CITED2: variants seen among roughly 807,000 people sequenced by gnomAD.
CITED2 encodes the protein cbp/p300-interacting transactivator 2.
CITED2 carries 2 observed loss-of-function variants against 11.8 expected under a neutral mutation model. That is an observed-to-expected ratio of 0.17 (90% CI 0.07 to 0.54). The LOEUF (loss-of-function observed/expected upper bound fraction) is 0.54. Ranked by LOEUF, CITED2 falls within the 20% of genes least tolerant of loss-of-function variation. CITED2 has a pLI of 0.94. For synonymous variants in CITED2, 210 were observed against 153.0 expected, an observed-to-expected ratio of 1.37 and a Z score of -2.75; for missense variants, 437 against 390.2, an observed-to-expected ratio of 1.12 and a Z score of -1.01.
In CITED2 at chr6:139,373,685, A is replaced by G; in HGVS notation, c.260T>C (p.Leu87Pro). 1 of 1,611,254 alleles carries G rather than the reference A, an allele frequency of 6.2e-7. No homozygotes were observed. Among genetic ancestry groups the G allele is most frequent in the Non-Finnish European group, 8.5e-7 (1 of 1,179,654 alleles). The change falls in exon 2 of 2, where the codon CTG (leucine) becomes CCG (proline). Residue 87 changes from leucine (L) to proline (P), a missense_variant. Leu to Pro is a moderately conservative substitution (Grantham distance 98). Transcript: ENST00000367651. ...TVNGGHPPSA[L>P]APAARFNNSQ... ...GTTGTTAAACCTGGCCGCGGGGGCC[A>G]GCGCGCTCGGGGGGTGCCCTCCGTT... is the stretch of plus-strand genomic sequence containing the variant.
Position 139,372,868 on chromosome 6 carries a change from A to G in CITED2, c.*264T>C, listed in dbSNP as rs1778277106. 1 of 517,202 alleles carries G rather than the reference A, an allele frequency of 1.9e-6. No homozygotes were observed. The allele number at this position is 517,202 out of a possible 1,614,324, so 32.0% of individuals were successfully genotyped here. Reference sequence around the variant, plus strand: ...GGAAAGGAGTAAAAACAAACAACGAAAAAGACCAAGTTAGCTAGATATTTC... The same window carrying G: ...GGAAAGGAGTAAAAACAAACAACGAGAAAGACCAAGTTAGCTAGATATTTC... On this transcript the variant is annotated 3_prime_UTR_variant, in exon 2 of 2. Transcript: ENST00000367651.
Position 139,374,404 on chromosome 6 carries a change from C to T in CITED2, c.-9+9G>A, listed in dbSNP as rs998393458. ...AAGAGCCCCAGCCAGCTTCGCCCGTCGCGCTTACCTTCCGTTTTTGCGATT... is the reference window on the plus strand; with the variant it reads ...AAGAGCCCCAGCCAGCTTCGCCCGTTGCGCTTACCTTCCGTTTTTGCGATT... On this transcript the variant is annotated intron_variant, in intron 1 of 1. Coordinates refer to ENST00000367651, the MANE Select transcript of CITED2 (RefSeq NM_006079.5). 2 of 444,634 alleles carry T rather than the reference C, an allele frequency of 4.5e-6. No individual in the cohort carries two copies. The highest frequency in any genetic ancestry group is 7.9e-6 in the Non-Finnish European group (2 of 252,654). 27.5% of individuals were successfully genotyped at this position (444,634 alleles called of 1,614,324 possible). A position where few individuals can be genotyped will look rare whatever the true frequency, so the allele number is the denominator to read the frequency against.
rs905753574 is a variant in CITED2, at chr6:139,372,356, C to T, written c.*776G>A. ...TTGTACAAAAATACTGTCAAAATTT[C>T]CTAAAAAGCTTTCAACACAGTAGTA... On this transcript the variant is annotated 3_prime_UTR_variant, in exon 2 of 2. Transcript: ENST00000367651. The T allele has an allele frequency of 6.6e-6, 1 of 152,568 alleles. No individual in the cohort carries two copies. The highest frequency in any genetic ancestry group is 1.9e-4 in the East Asian group (1 of 5,204). 9.5% of individuals were successfully genotyped at this position (152,568 alleles called of 1,614,324 possible).
chr6:139,374,195 C>T, intron 1 of CITED2: 4 of 1,439,194 alleles, frequency 2.8e-6, no homozygotes, highest in South Asian at 2.9e-5. Context: ...CGGGGGGACC[C>T]GAGCCCACAC....
In CITED2 at chr6:139,372,858, C is replaced by CA. The variant is rs1486098982; in HGVS notation, c.*273dup. 1 of 492,498 alleles carries CA rather than the reference C, an allele frequency of 2.0e-6. No individual in the cohort carries two copies. The highest frequency in any genetic ancestry group is 3.7e-6 in the Non-Finnish European group (1 of 270,746). 30.5% of individuals were successfully genotyped at this position (492,498 alleles called of 1,614,324 possible). A position where few individuals can be genotyped will look rare whatever the true frequency, so the allele number is the denominator to read the frequency against. On this transcript the variant is annotated 3_prime_UTR_variant, in exon 2 of 2. Transcript: ENST00000367651. ...AGAAAGTGAGGGAAAGGAGTAAAAA[C>CA]AAACAACGAAAAAGACCAAGTTAGC...
At position 139,371,987 on chromosome 6, in the gene CITED2, T is replaced by C. The variant is rs1482570639; in HGVS notation, c.*1145A>G. The C allele has an allele frequency of 1.3e-5, 2 of 151,732 alleles. No individual in the cohort carries two copies. The highest frequency in any genetic ancestry group is 2.4e-5 in the African/African-American group (1 of 41,270). The allele number at this position is 151,732 out of a possible 1,614,324, so 9.4% of individuals were successfully genotyped here. ...TTCTAACTCTGGAGTACACTTGATA[T>C]GATGGCAATTAAGAAAAAAAAAAAA... is the stretch of plus-strand genomic sequence containing the variant. On this transcript the variant is annotated 3_prime_UTR_variant, in exon 2 of 2. Coordinates refer to ENST00000367651, the MANE Select transcript of CITED2 (RefSeq NM_006079.5).
chr6:139,372,823 TGAGCACTG>T lies in CITED2; in HGVS notation c.*301_*308del. The T allele has an allele frequency of 2.4e-6, 1 of 416,010 alleles. No individual in the cohort carries two copies. 25.8% of individuals were successfully genotyped at this position (416,010 alleles called of 1,614,324 possible). On this transcript the variant is annotated 3_prime_UTR_variant, in exon 2 of 2. Coordinates refer to ENST00000367651, the MANE Select transcript of CITED2 (RefSeq NM_006079.5). ...TTTGCCAAGATTAATATCTAACAGT[TGAGCACTG>T]GAGAAAGTGAGGGAAAGGAGTAAAA... is the stretch of plus-strand genomic sequence containing the variant.
Position 139,373,346 on chromosome 6 carries a change from TTGCCGC to T in CITED2, c.593_598del (p.Ser198_Gly199del), listed in dbSNP as rs531316452. ...GACGTGGGCCACGGAGGCGGGCATG[TTGCCGC>T]TGCCGCTGCCGCCGCCGCTGTTGCT... On this transcript the variant is annotated inframe_deletion, in exon 2 of 2. Transcript: ENST00000367651. 810 of 1,597,862 alleles carry T rather than the reference TTGCCGC, an allele frequency of 5.1e-4. 1 individual carries two copies. The highest frequency in any genetic ancestry group is 3.0e-3 in the African/African-American group (222 of 73,772).
chr6:139,373,585 G>A lies in CITED2; in HGVS notation c.360C>T (p.Asn120=), dbSNP rs1277709799. 1 of 1,613,994 alleles carries A rather than the reference G, an allele frequency of 6.2e-7. No individual in the cohort carries two copies. The highest frequency in any genetic ancestry group is 1.3e-5 in the African/African-American group (1 of 74,934). ...AGGGGTGATGGTTGAAATACTGGTTGTTGAGCTTCTGCAGCTGCATGCTGG... is the reference window on the plus strand; with the variant it reads ...AGGGGTGATGGTTGAAATACTGGTTATTGAGCTTCTGCAGCTGCATGCTGG... The part of the protein sequence containing the change: ...LPASMQLQKL[N]NQYFNHHPYP... The change falls in exon 2 of 2, where the codon AAC becomes AAT. Residue 120 remains asparagine (N), a synonymous_variant. Transcript: ENST00000367651.
Position 139,373,492 on chromosome 6 carries a change from C to T in CITED2, c.453G>A (p.Gln151=), listed in dbSNP as rs763061562. The T allele has an allele frequency of 1.9e-6, 3 of 1,609,062 alleles. No homozygotes were observed. Among genetic ancestry groups the T allele is most frequent in the South Asian group, 2.2e-5 (2 of 90,564 alleles). ...GCTTGGGGTTGCAATCTCGGAAGTG[C>T]TGGTTTGTCCCGTTCATCTGGTGGC... ...AAGHQMNGTN[Q]HFRDCNPKHS... The change falls in exon 2 of 2, where the codon CAG becomes CAA. Residue 151 remains glutamine, a synonymous_variant. Transcript: ENST00000367651.
chr6:139,374,306 C>G, intron 1 of CITED2, 107 bp downstream of exon 1: 1 of 808,534 alleles, frequency 1.2e-6, no homozygotes, highest in South Asian at 2.3e-5. Flanking sequence ...TGTTGCACAT[C>G]CTGTTGTTAT....
At chr6:139,374,330 C>T (rs1036885272) in intron 1 of CITED2, 83 bp downstream of exon 1, 19 of 656,794 alleles carry the variant, frequency 2.9e-5, no homozygotes, top group Non-Finnish European at 4.3e-5. Flanking sequence ...CCAGCTTCGC[C>T]TCACGCTCTT....
In CITED2 at chr6:139,372,935, C is replaced by G; in HGVS notation, c.*197G>C. 1 of 629,794 alleles carries G rather than the reference C, an allele frequency of 1.6e-6. No homozygotes were observed. Among genetic ancestry groups the G allele is most frequent in the Non-Finnish European group, 2.8e-6 (1 of 354,072 alleles). The allele number at this position is 629,794 out of a possible 1,614,324, so 39.0% of individuals were successfully genotyped here. A position where few individuals can be genotyped will look rare whatever the true frequency, so the allele number is the denominator to read the frequency against. On this transcript the variant is annotated 3_prime_UTR_variant, in exon 2 of 2. Coordinates refer to ENST00000367651, the MANE Select transcript of CITED2 (RefSeq NM_006079.5). ...TGGGTGAATGTCAAGGCTACAAAAA[C>G]GAAACAAAAACAGGAAAAAAAAGTG...
chr6:139,374,287 TCATCCTGTTGTTGCA>T (rs1383608051), intron 1 of CITED2, 111 bp downstream of exon 1: 3 of 991,524 alleles, frequency 3.0e-6, no homozygotes, highest in African/African-American at 1.6e-5. Flanking sequence ...TCAGCCCTCC[TCATCCTGTTGTTGCA>T]CATCCTGTTG....
Position 139,373,214 on chromosome 6 carries a change from G to A in CITED2, c.731C>T (p.Pro244Leu). The A allele has an allele frequency of 6.2e-7, 1 of 1,614,154 alleles. No individual in the cohort carries two copies. Among genetic ancestry groups the A allele is most frequent in the Non-Finnish European group, 8.5e-7 (1 of 1,180,024 alleles). ...EMGLDRIKEL[P>L]ELWLGQNEFD... ...CTCGTTTTGCCCCAGCCAGAGTTCG[G>A]GCAGCTCCTTGATGCGGTCCAAACC... Residue 244 changes from proline (P) to leucine (L), a missense_variant, in exon 2 of 2, where the codon CCC becomes CTC. Transcript: ENST00000367651.
In CITED2 at chr6:139,373,024, A is replaced by G. The variant is rs566103695; in HGVS notation, c.*108T>C. On this transcript the variant is annotated 3_prime_UTR_variant, in exon 2 of 2. Transcript: ENST00000367651. ...AGTTTACTTTGTTTCCAAGTTCTCAAACCTTTCAAGATCTGAAAAGTGAGA... is the reference window on the plus strand; with the variant it reads ...AGTTTACTTTGTTTCCAAGTTCTCAGACCTTTCAAGATCTGAAAAGTGAGA... The G allele has an allele frequency of 5.2e-5, 60 of 1,163,794 alleles. No individual in the cohort carries two copies. The South Asian group carries it at 7.4e-4, about 14-fold the overall frequency. 72.1% of individuals were successfully genotyped at this position (1,163,794 alleles called of 1,614,324 possible). A position where few individuals can be genotyped will look rare whatever the true frequency, so the allele number is the denominator to read the frequency against.
chr6:139,372,177 AAT>A lies in CITED2; in HGVS notation c.*953_*954del, dbSNP rs1458086217. 1.3e-5 allele frequency: 2 copies of A among 152,364 alleles called. No homozygotes were observed. The highest frequency in any genetic ancestry group is 1.9e-4 in the East Asian group (1 of 5,192). 9.4% of individuals were successfully genotyped at this position (152,364 alleles called of 1,614,324 possible). A position where few individuals can be genotyped will look rare whatever the true frequency, so the allele number is the denominator to read the frequency against. The stretch of plus-strand genomic sequence containing the variant: ...ATCCTTTGGAATGCTTACTCTCATC[AAT>A]AGTGTTCAACTCAAAGACGGGGGGA... On this transcript the variant is annotated 3_prime_UTR_variant, in exon 2 of 2. Transcript: ENST00000367651.
chr6:139,374,195 C>G (rs1363722543), intron 1 of CITED2: 4 of 1,439,076 alleles, frequency 2.8e-6, no homozygotes, highest in East Asian at 5.0e-5. Context: ...CGGGGGGACC[C>G]GAGCCCACAC....
rs1583067772 is a variant in CITED2 at position 139,373,831 on chromosome 6, G to A, written c.114C>T (p.His38=). The A allele has an allele frequency of 6.2e-7, 1 of 1,607,024 alleles. No individual in the cohort carries two copies. The highest frequency in any genetic ancestry group is 8.5e-7 in the Non-Finnish European group (1 of 1,179,884). ...MGMGQFPSPH[H]HQQQQPQHAF... The stretch of plus-strand genomic sequence containing the variant: ...CGTGCTGGGGCTGCTGCTGCTGGTG[G>A]TGATGGGGGCTCGGGAACTGCCCCA... Residue 38 remains histidine, a synonymous_variant, in exon 2 of 2, where the codon CAC becomes CAT. Coordinates refer to ENST00000367651, the MANE Select transcript of CITED2 (RefSeq NM_006079.5).
Sources: allele counts gnomAD v4.1 joint callset, GRCh38; gene constraint gnomAD v4.1.1; transcripts MANE v1.5; gene names NCBI Gene and HGNC (gene_info 2026-07-23, HGNC 2026-07-21).